The following SSBP2 variants were observed in gnomAD, a reference collection of about 807,000 sequenced individuals.
SSBP2 encodes the protein single-stranded DNA-binding protein 2.
SSBP2 carries 17 observed loss-of-function variants against 61.8 expected under a neutral mutation model. That is an observed-to-expected ratio of 0.28 (90% CI 0.19 to 0.41). The LOEUF (loss-of-function observed/expected upper bound fraction) is 0.41. Ranked by LOEUF, SSBP2 falls within the 10% of genes least tolerant of loss-of-function variation. The pLI is 1.00. For missense variants in SSBP2, 310 were observed against 458.7 expected, an observed-to-expected ratio of 0.68 and a Z score of 2.96; for synonymous variants, 139 against 141.3, an observed-to-expected ratio of 0.98 and a Z score of 0.12.
At chr5:81,575,346 TA>T (rs1199791796) in intron 4 of SSBP2, among the ~76,000 whole-genome samples, 2 of 152,210 alleles carry the variant, frequency 1.3e-5, no homozygotes, top group African/African-American at 4.8e-5. Context: ...TCGTGGAGTT[TA>T]AAATGCATAT....
intron 1 of SSBP2, among the ~76,000 whole-genome samples, chr5:81,742,825 A>C (rs957612342): frequency 6.6e-6 from 1 of 152,188 alleles, no homozygotes; most frequent in African/African-American, 2.4e-5. Context: ...AGTTGCAGAG[A>C]GCCGAGATTG....
rs1457840700 is a variant in SSBP2 at position 81,445,125 on chromosome 5, GA to G, written c.778+1742del. Among the ~76,000 whole-genome samples, 7 of 39,530 alleles carry G rather than the reference GA, an allele frequency of 1.8e-4. 1 individual carries two copies. The highest frequency in any genetic ancestry group is 8.3e-4 in the South Asian group (1 of 1,204). 25.9% of individuals were successfully genotyped at this position (39,530 alleles called of 152,430 possible). Reference sequence around the variant, plus strand: ...GTGACAGAGGCTCTGTCTCAGCAAAGAAAAAAAAAATTTTATATATATATAT... The same window carrying G: ...GTGACAGAGGCTCTGTCTCAGCAAAGAAAAAAAAATTTTATATATATATAT... On this transcript the variant is annotated intron_variant, in intron 12 of 16. Coordinates refer to ENST00000320672, the MANE Select transcript of SSBP2 (RefSeq NM_012446.5).
At chr5:81,516,904 G>C (rs1221967614) in intron 4 of SSBP2, among the ~76,000 whole-genome samples, 2 of 152,058 alleles carry the variant, frequency 1.3e-5, no homozygotes, top group East Asian at 1.9e-4. Context: ...CAAAACTCAT[G>C]AGTCAAATTT....
In SSBP2 at chr5:81,739,221, C is replaced by CA. The variant is rs1188426359; in HGVS notation, c.62+11759dup. ...TTGTTTATCTCCTAGGTCAAGTTGTCATTTAAGGCTGTTCTTGAAATAGTT... is the reference window on the plus strand; with the variant it reads ...TTGTTTATCTCCTAGGTCAAGTTGTCAATTTAAGGCTGTTCTTGAAATAGTT... On this transcript the variant is annotated intron_variant, in intron 1 of 16. Transcript: ENST00000320672. Among the ~76,000 whole-genome samples the CA allele has an allele frequency of 2.4e-4, 34 of 141,906 alleles. 2 individuals carry two copies. In the East Asian group the frequency reaches 6.4e-3, roughly 27 times the overall value. 93.1% of individuals were successfully genotyped at this position (141,906 alleles called of 152,430 possible).
chr5:81,742,802 G>C (rs1394051594), intron 1 of SSBP2, among the ~76,000 whole-genome samples: 2 of 152,096 alleles, frequency 1.3e-5, no homozygotes, highest in African/African-American at 4.8e-5. Flanking sequence ...CTTGAACCTG[G>C]GGGGTGTGTG....
intron 1 of SSBP2, among the ~76,000 whole-genome samples, chr5:81,662,887 T>C (rs1384532138): frequency 1.3e-5 from 2 of 152,168 alleles, no homozygotes; most frequent in Non-Finnish European, 2.9e-5. Context: ...ACAAAATCCA[T>C]TACATGCTTG....
chr5:81,488,328 T>C (rs1185190848), intron 6 of SSBP2, among the ~76,000 whole-genome samples: 2 of 151,892 alleles, frequency 1.3e-5, no homozygotes, highest in South Asian at 2.1e-4. Context: ...ACCAAGTTAC[T>C]TTCCCTGCAA....
intron 1 of SSBP2, among the ~76,000 whole-genome samples, chr5:81,686,868 AAAAAGAAAAGAAAAGAAAAGAAAAG>A (rs1172109276): frequency 0.023 from 1,393 of 59,470 alleles, 47 homozygotes; most frequent in African/African-American, 0.1. Flanking sequence ...AAAAAAAAAA[AAAAAGAAAAGAAAAGAAAAGAAAAG>A]AAAAGAAAAG....
chr5:81,579,539 T>C (rs1397603068), intron 4 of SSBP2, among the ~76,000 whole-genome samples: 1 of 152,120 alleles, frequency 6.6e-6, no homozygotes, highest in African/African-American at 2.4e-5. Context: ...CAGGATTATT[T>C]AAAGATGAAC....
chr5:81,424,382 C>A (rs1000044031), intron 16 of SSBP2, among the ~76,000 whole-genome samples: 1 of 152,010 alleles, frequency 6.6e-6, no homozygotes, highest in Non-Finnish European at 1.5e-5. Flanking sequence ...CAAGATCGCA[C>A]CATTGCATTC....
chr5:81,513,764 C>T (rs779622274), intron 4 of SSBP2, 47 bp from the exon 5 acceptor site: 12 of 1,283,110 alleles, frequency 9.4e-6, no homozygotes, highest in Middle Eastern at 1.9e-4. Context: ...ACAGAGAAGG[C>T]ACAAAACCAA....
At position 81,453,138 on chromosome 5, in the gene SSBP2, C is replaced by A. The variant is rs1763886987; in HGVS notation, c.688-4313G>T. On this transcript the variant is annotated intron_variant, in intron 10 of 16. Transcript: ENST00000320672. ...GGCAAAACCTTGTCTCTATAAAAAA[C>A]AAAAAAAAAATTAGCCAAGCATGGT... Among the ~76,000 whole-genome samples, 9 of 147,852 alleles carry A rather than the reference C, an allele frequency of 6.1e-5. 1 individual carries two copies. Among genetic ancestry groups the A allele is most frequent in the South Asian group, 2.1e-4 (1 of 4,672 alleles).
chr5:81,705,825 A>T (rs1754339893), intron 1 of SSBP2, among the ~76,000 whole-genome samples: 2 of 152,210 alleles, frequency 1.3e-5, no homozygotes, highest in Admixed American at 1.3e-4. Context: ...AGTATGTTAT[A>T]TTAAAAAGTC....
chr5:81,486,715 A>G (rs1365299071), intron 6 of SSBP2, among the ~76,000 whole-genome samples: 1 of 152,176 alleles, frequency 6.6e-6, no homozygotes, highest in Non-Finnish European at 1.5e-5. Context: ...AAATTCCCGT[A>G]TGTTGTAACC....
intron 1 of SSBP2, among the ~76,000 whole-genome samples, chr5:81,656,922 C>T (rs1270475303): frequency 6.6e-6 from 1 of 151,894 alleles, no homozygotes; most frequent in East Asian, 1.9e-4. Context: ...AAGTGCAGAA[C>T]AGTTTGTATA....
At chr5:81,460,157 T>G (rs1447610828) in intron 10 of SSBP2, among the ~76,000 whole-genome samples, 1 of 152,206 alleles carries the variant, frequency 6.6e-6, no homozygotes, top group Non-Finnish European at 1.5e-5. Flanking sequence ...TCATATTCAT[T>G]TAACATTAAG....
At position 81,580,880 on chromosome 5, in the gene SSBP2, C is replaced by T. The variant is rs779805744; in HGVS notation, c.282+34593G>A. On this transcript the variant is annotated intron_variant, in intron 4 of 16. Transcript: ENST00000320672. ...TGATCCCAGTACCTTATTCTTCAGG[C>T]GTAAGATGATTAAAGATAATCTTCA... Among the ~76,000 whole-genome samples the T allele has an allele frequency of 1.2e-4, 18 of 151,852 alleles. 1 individual carries two copies. The highest frequency in any genetic ancestry group is 4.2e-4 in the South Asian group (2 of 4,800).
At chr5:81,594,042 C>T (rs1223458276) in intron 4 of SSBP2, among the ~76,000 whole-genome samples, 9 of 151,700 alleles carry the variant, frequency 5.9e-5, no homozygotes, top group Non-Finnish European at 1.2e-4. Context: ...AAGACACAGA[C>T]TGGCAAATTG....
chr5:81,608,898 G>A (rs925698836), intron 4 of SSBP2, among the ~76,000 whole-genome samples: 1 of 152,120 alleles, frequency 6.6e-6, no homozygotes, highest in African/African-American at 2.4e-5. Flanking sequence ...CAATGATTTG[G>A]AAGTTTTGAT....
Sources: gnomAD v4.1 joint callset for allele counts (sites outside exome capture counted in the v4.1 genomes callset) on GRCh38, gnomAD v4.1.1 for gene constraint, MANE v1.5 for transcripts, NCBI Gene and HGNC (gene_info 2026-07-23, HGNC 2026-07-21) for gene names.